The following SEPTIN7 variants were observed in gnomAD, a reference collection of about 807,000 sequenced individuals.
SEPTIN7 encodes the protein septin 7.
A neutral mutation model predicts 63.3 loss-of-function variants in SEPTIN7; 10 were observed. The observed-to-expected ratio is 0.16, with a 90% CI of 0.10 to 0.27. SEPTIN7 has a LOEUF of 0.27. SEPTIN7 is among the 10% of genes least tolerant of loss of function. The pLI is 1.00. For missense variants in SEPTIN7, 310 were observed against 521.0 expected (o/e 0.59, Z 3.94); for synonymous variants, 131 against 165.3 (o/e 0.79, Z 1.59).
chr7:35,826,913 T>C (rs961166234), intron 1 of SEPTIN7, among the ~76,000 whole-genome samples: 4 of 152,160 alleles, frequency 2.6e-5, no homozygotes, highest in African/African-American at 9.7e-5. Flanking sequence ...TAAAGAATTC[T>C]TAAAGAATTT....
At chr7:35,860,569 G>A (rs1785450760) in intron 3 of SEPTIN7, among the ~76,000 whole-genome samples, 1 of 152,080 alleles carries the variant, frequency 6.6e-6, no homozygotes, top group South Asian at 2.1e-4. Flanking sequence ...TGTTTACTGG[G>A]GAATGTCTTT....
rs114878072 is a variant in SEPTIN7 at position 35,819,704 on chromosome 7, A to G, written c.62-11788A>G. On this transcript the variant is annotated intron_variant, in intron 1 of 13. Coordinates refer to ENST00000350320, the MANE Select transcript of SEPTIN7 (RefSeq NM_001788.6). ...TAAAATATCCTTCTTTGTGGTAACA[A>G]TATGTCTTTTAAGTCTGTGTTTTCT... is the stretch of plus-strand genomic sequence containing the variant. Among the ~76,000 whole-genome samples the G allele has an allele frequency of 6.7e-3, 1,014 of 152,142 alleles. 14 individuals are homozygous for G. The highest frequency in any genetic ancestry group is 0.023 in the African/African-American group (972 of 41,520).
At chr7:35,915,263 A>ATG in the SEPTIN7 span, among the ~76,000 whole-genome samples, 1 of 151,952 alleles carries the variant, frequency 6.6e-6, no homozygotes, top group African/African-American at 2.4e-5. Context: ...ATACACATAT[A>ATG]TATATATACA....
At chr7:35,908,290 T>G (rs1487328606), downstream of SEPTIN7, among the ~76,000 whole-genome samples, 1 of 152,118 alleles carries the variant, frequency 6.6e-6, no homozygotes, top group African/African-American at 2.4e-5. Context: ...CAGCAGAAAA[T>G]AGAGGCTGAC....
intron 1 of SEPTIN7, chr7:35,815,146 G>T: frequency 2.2e-6 from 1 of 447,776 alleles, no homozygotes; most frequent in South Asian, 1.6e-5. Context: ...CATTTTTAGG[G>T]GTACTTCTTT....
rs775920174 is a variant in SEPTIN7 at position 35,824,420 on chromosome 7, G to A, written c.62-7072G>A. On this transcript the variant is annotated intron_variant, in intron 1 of 13. Coordinates refer to ENST00000350320, the MANE Select transcript of SEPTIN7 (RefSeq NM_001788.6). ...TCTTGGCCTGCTTCCTACTCTGTAT[G>A]CTGTATTTGGATTCATATCCATGGC... Among the ~76,000 whole-genome samples the A allele has an allele frequency of 4.6e-5, 7 of 152,214 alleles. No individual in the cohort carries two copies. The South Asian group carries it at 6.2e-4, about 14-fold the overall frequency.
intron 11 of SEPTIN7, among the ~76,000 whole-genome samples, chr7:35,897,540 C>T (rs187130072): frequency 2.0e-5 from 3 of 151,890 alleles, no homozygotes; most frequent in Non-Finnish European, 2.9e-5. Flanking sequence ...ATGCTTATGT[C>T]TATTTTTTTG....
intron 1 of SEPTIN7, among the ~76,000 whole-genome samples, chr7:35,818,619 G>A (rs1313629918): frequency 1.3e-5 from 2 of 151,872 alleles, no homozygotes; most frequent in East Asian, 1.9e-4. Context: ...TTTTTGGGGT[G>A]TGTGTGTGTT....
the SEPTIN7 span, among the ~76,000 whole-genome samples, chr7:35,915,119 A>G: frequency 9.9e-5 from 15 of 152,148 alleles, no homozygotes; most frequent in African/African-American, 3.4e-4. Flanking sequence ...GCATGTATAC[A>G]TGTGTATATA....
chr7:35,903,890 A>G (rs1255529843), intron 13 of SEPTIN7, among the ~76,000 whole-genome samples: 2 of 152,206 alleles, frequency 1.3e-5, no homozygotes, highest in East Asian at 1.9e-4. Context: ...TGTGAAAGCA[A>G]TTGCACTTCA....
intron 1 of SEPTIN7, chr7:35,815,288 T>G: frequency 3.4e-6 from 1 of 290,862 alleles, no homozygotes; most frequent in Non-Finnish European, 6.8e-6. Flanking sequence ...TCATTGCTGC[T>G]GGGGTGTCAC....
intron 1 of SEPTIN7, among the ~76,000 whole-genome samples, chr7:35,826,595 T>G (rs1783528663): frequency 6.6e-6 from 1 of 151,958 alleles, no homozygotes; most frequent in African/African-American, 2.4e-5. Context: ...TTTAGTTTTT[T>G]ATTAAACATC....
chr7:35,865,689 G>A (rs1388097016), intron 4 of SEPTIN7, among the ~76,000 whole-genome samples: 2 of 151,700 alleles, frequency 1.3e-5, no homozygotes, highest in Non-Finnish European at 2.9e-5. Context: ...CATGTCTTTT[G>A]TACTCATTAA....
chr7:35,808,259 T>C (rs2115676919), intron 1 of SEPTIN7, among the ~76,000 whole-genome samples: 1 of 152,338 alleles, frequency 6.6e-6, no homozygotes, highest in South Asian at 2.1e-4. Flanking sequence ...CGGCATCCTG[T>C]GTTAACAGTT....
intron 9 of SEPTIN7, among the ~76,000 whole-genome samples, chr7:35,884,871 A>G (rs1052941969): frequency 1.3e-5 from 2 of 152,216 alleles, no homozygotes; most frequent in African/African-American, 2.4e-5. Flanking sequence ...AATCTTAGTT[A>G]TAACACCAAG....
chr7:35,853,873 A>C (rs1195140322), intron 3 of SEPTIN7, among the ~76,000 whole-genome samples: 1 of 152,174 alleles, frequency 6.6e-6, no homozygotes, highest in Admixed American at 6.5e-5. Flanking sequence ...AGTAGAACAT[A>C]CTGCCTGGTG....
chr7:35,882,023 T>G (rs1284440255), intron 7 of SEPTIN7, among the ~76,000 whole-genome samples: 1 of 152,022 alleles, frequency 6.6e-6, no homozygotes, highest in African/African-American at 2.4e-5. Context: ...GGAGCAGTGC[T>G]GTACTTAGTT....
intron 1 of SEPTIN7, among the ~76,000 whole-genome samples, chr7:35,807,806 A>T (rs1309694651): frequency 6.7e-6 from 1 of 148,584 alleles, no homozygotes; most frequent in Non-Finnish European, 1.5e-5. Flanking sequence ...TTGCTTTTTA[A>T]AAATTTTATT....
At chr7:35,848,943 T>A (rs1482685595) in intron 3 of SEPTIN7, among the ~76,000 whole-genome samples, 1 of 152,226 alleles carries the variant, frequency 6.6e-6, no homozygotes, top group Non-Finnish European at 1.5e-5. Flanking sequence ...GAAAGCTGTT[T>A]GAATTGGCAA....
Sources: gnomAD v4.1 joint callset for allele counts (sites outside exome capture counted in the v4.1 genomes callset) on GRCh38, gnomAD v4.1.1 for gene constraint, MANE v1.5 for transcripts, NCBI Gene and HGNC (gene_info 2026-07-23, HGNC 2026-07-21) for gene names.